NBAS: variants seen among roughly 807,000 people sequenced by gnomAD.
NBAS encodes the protein NAG/BC035112 fusion.
Under a neutral mutation model 302.5 loss-of-function variants are expected in NBAS, and 219 were observed. The observed-to-expected ratio is 0.72, with a 90% CI of 0.65 to 0.81. The LOEUF (loss-of-function observed/expected upper bound fraction) is 0.81. Ranked by LOEUF, NBAS falls within the 30% of genes least tolerant of loss-of-function variation. NBAS has a pLI of 0.00. For missense variants in NBAS, 2,932 were observed against 2,841.6 expected (o/e 1.03, Z -0.72); for synonymous variants, 1,118 against 1,021.6 (o/e 1.09, Z -1.80).
At chr2:15,355,309 CATG>C (rs1224593041) in intron 33 of NBAS, among the ~76,000 whole-genome samples, 1 of 151,762 alleles carries the variant, frequency 6.6e-6, no homozygotes, top group Admixed American at 6.6e-5. Flanking sequence ...GTACAGAGCC[CATG>C]ATAAGAAAAC....
At chr2:15,127,983 C>G in the NBAS span, among the ~76,000 whole-genome samples, 12 of 152,168 alleles carry the variant, frequency 7.9e-5, no homozygotes, top group Non-Finnish European at 1.2e-4. Flanking sequence ...CAGCTAAACT[C>G]TCTCTACTTA....
At chr2:15,001,596 C>CAT in the NBAS span, among the ~76,000 whole-genome samples, 3 of 151,922 alleles carry the variant, frequency 2.0e-5, no homozygotes, top group Non-Finnish European at 2.9e-5. Flanking sequence ...TTTGACATAT[C>CAT]ATATATATAT....
At chr2:15,362,182 T>C (rs1451373714) in intron 32 of NBAS, among the ~76,000 whole-genome samples, 1 of 151,512 alleles carries the variant, frequency 6.6e-6, no homozygotes, top group Non-Finnish European at 1.5e-5. Flanking sequence ...CAATCTATTC[T>C]GAGAAGATTC....
At chr2:15,165,608 G>A (rs1663997387), downstream of NBAS, among the ~76,000 whole-genome samples, 1 of 152,234 alleles carries the variant, frequency 6.6e-6, no homozygotes. Context: ...ATAAGGCGAA[G>A]CGATGTTATT....
chr2:15,417,717 A>G lies in NBAS; in HGVS notation c.2578-5T>C, dbSNP rs1441372333. ...AAGTGACAATGCACAGTCCACCTAAAATTGAAAAGCAACAATAAGTTCCTG... is the reference window on the plus strand; with the variant it reads ...AAGTGACAATGCACAGTCCACCTAAGATTGAAAAGCAACAATAAGTTCCTG... On this transcript the variant is annotated splice_region_variant and splice_polypyrimidine_tract_variant and intron_variant, in intron 23 of 51. Coordinates refer to ENST00000281513, the MANE Select transcript of NBAS (RefSeq NM_015909.4). 3 of 1,613,124 alleles carry G rather than the reference A, an allele frequency of 1.9e-6. No individual in the cohort carries two copies. The African/African-American group carries it at 4.0e-5, about 22-fold the overall frequency.
the NBAS span, among the ~76,000 whole-genome samples, chr2:14,816,399 A>T: frequency 6.6e-6 from 1 of 152,200 alleles, no homozygotes; most frequent in African/African-American, 2.4e-5. Flanking sequence ...GTCAGGTGGA[A>T]CAGTTTCATC....
chr2:15,275,642 A>C lies in NBAS; in HGVS notation c.5566T>G (p.Trp1856Gly), dbSNP rs1215898176. ...LYTIWLQKLF[W>G]TGDPHLIKQV... Reference sequence around the variant, plus strand: ...TTAATGAGATGAGGGTCTCCAGTCCAGAACAACTTCTGTAACCAGATGGTG... The same window carrying C: ...TTAATGAGATGAGGGTCTCCAGTCCCGAACAACTTCTGTAACCAGATGGTG... Residue 1856 changes from tryptophan to glycine, a missense_variant, in exon 44 of 52, where the codon TGG becomes GGG. Trp to Gly is a radical substitution (Grantham distance 184). Transcript: ENST00000281513. The C allele has an allele frequency of 1.9e-6, 3 of 1,614,118 alleles. No individual in the cohort carries two copies. The highest frequency in any genetic ancestry group is 2.5e-6 in the Non-Finnish European group (3 of 1,180,048).
the NBAS span, among the ~76,000 whole-genome samples, chr2:14,822,725 G>C: frequency 6.6e-6 from 1 of 152,178 alleles, no homozygotes; most frequent in African/African-American, 2.4e-5. Context: ...AACTTGAATA[G>C]GCAATGGACA....
At chr2:15,260,691 C>CTCTGATGTA (rs1302333910) in intron 44 of NBAS, among the ~76,000 whole-genome samples, 1 of 152,180 alleles carries the variant, frequency 6.6e-6, no homozygotes, top group Non-Finnish European at 1.5e-5. Context: ...ATGCCAGCTC[C>CTCTGATGTA]TGGAGCAGGC....
At chr2:14,956,862 T>A in the NBAS span, among the ~76,000 whole-genome samples, 1 of 152,156 alleles carries the variant, frequency 6.6e-6, no homozygotes, top group East Asian at 1.9e-4. Flanking sequence ...AACCATATCA[T>A]GGGTTGAGGT....
intron 29 of NBAS, among the ~76,000 whole-genome samples, chr2:15,380,319 A>G (rs1466540481): frequency 1.3e-5 from 2 of 152,132 alleles, no homozygotes; most frequent in African/African-American, 4.8e-5. Flanking sequence ...GGCTCAAGCA[A>G]TCCTCTCACC....
At chr2:15,310,121 ATTATGTCTTAC>A (rs1276489223) in intron 38 of NBAS, among the ~76,000 whole-genome samples, 1 of 152,216 alleles carries the variant, frequency 6.6e-6, no homozygotes, top group Non-Finnish European at 1.5e-5. Flanking sequence ...TACCCTCCCA[ATTATGTCTTAC>A]TTAGACTGAC....
At chr2:15,121,524 G>A in the NBAS span, among the ~76,000 whole-genome samples, 2 of 152,144 alleles carry the variant, frequency 1.3e-5, no homozygotes, top group African/African-American at 4.8e-5. Flanking sequence ...AGGGCCCGAG[G>A]ATGGAATTCA....
At chr2:15,524,499 C>T (rs552829608) in intron 9 of NBAS, among the ~76,000 whole-genome samples, 1 of 152,312 alleles carries the variant, frequency 6.6e-6, no homozygotes, top group African/African-American at 2.4e-5. Flanking sequence ...TACACATGCT[C>T]ACTCCATGCA....
the NBAS span, among the ~76,000 whole-genome samples, chr2:15,013,628 A>T: frequency 2.6e-5 from 4 of 151,952 alleles, no homozygotes; most frequent in East Asian, 5.8e-4. Context: ...ACTAAAAAAT[A>T]AAAAAATTAG....
intron 30 of NBAS, among the ~76,000 whole-genome samples, chr2:15,375,537 T>A (rs1674694425): frequency 6.6e-6 from 1 of 152,152 alleles, no homozygotes; most frequent in Non-Finnish European, 1.5e-5. Flanking sequence ...CCTGCTCTCG[T>A]AAAACTGGAG....
rs547781221 is a variant in NBAS, at chr2:15,339,276, C to T, written c.4180-8511G>A. ...CATGCCTACTATGTTTAAGACCCAGCGCTAGGCAACAGGATTACTATGACA... is the reference window on the plus strand; with the variant it reads ...CATGCCTACTATGTTTAAGACCCAGTGCTAGGCAACAGGATTACTATGACA... On this transcript the variant is annotated intron_variant, in intron 35 of 51. Coordinates refer to ENST00000281513, the MANE Select transcript of NBAS (RefSeq NM_015909.4). 6.1e-4 allele frequency among the ~76,000 whole-genome samples: 93 copies of T among 152,130 alleles called. 2 individuals are homozygous for T. The highest frequency in any genetic ancestry group is 1.9e-3 in the African/African-American group (79 of 41,508).
the NBAS span, among the ~76,000 whole-genome samples, chr2:15,126,137 G>A: frequency 5.3e-5 from 8 of 152,006 alleles, no homozygotes; most frequent in Non-Finnish European, 1.0e-4. Context: ...TTCTCACTCC[G>A]AGTTTATGTG....
chr2:15,366,801 T>C, intron 31 of NBAS, 108 bp from the exon 32 acceptor site: 1 of 967,594 alleles, frequency 1.0e-6, no homozygotes. Context: ...GGGTAAGGCA[T>C]CAGATGAAGG....
Sources: gnomAD v4.1 joint callset for allele counts (sites outside exome capture counted in the v4.1 genomes callset) on GRCh38, gnomAD v4.1.1 for gene constraint, MANE v1.5 for transcripts, NCBI Gene and HGNC (gene_info 2026-07-23, HGNC 2026-07-21) for gene names.